Variants in MBTPS1 observed in about 807,000 individuals in gnomAD.
MBTPS1 encodes the protein membrane bound transcription factor peptidase, site 1.
Under a neutral mutation model 127.8 loss-of-function variants are expected in MBTPS1, and 94 were observed. The observed-to-expected ratio is 0.74, with a 90% confidence interval of 0.62 to 0.87. MBTPS1 has a LOEUF of 0.87. MBTPS1 is among the 40% of genes least tolerant of loss of function. MBTPS1 has a pLI of 0.00. For missense variants in MBTPS1, 1,636 were observed against 1,353.2 expected (o/e 1.21, Z -3.28); for synonymous variants, 632 against 509.4 (o/e 1.24, Z -3.24).
At position 84,102,017 on chromosome 16, in the gene MBTPS1, C is replaced by A; in HGVS notation, c.-234G>T. ...TCCATCTTGGAAATAAGGCTTCTCT[C>A]ACTCAGGCCGTGACGACTGAGTCCT... On this transcript the variant is annotated 5_prime_UTR_variant, in exon 2 of 23. An upstream open reading frame in the 5' UTR loses its in-frame stop. Coordinates refer to ENST00000343411, the MANE Select transcript of MBTPS1 (RefSeq NM_003791.4). 2.0e-6 allele frequency: 1 copy of A among 499,216 alleles called. No individual in the cohort carries two copies. Among genetic ancestry groups the A allele is most frequent in the Non-Finnish European group, 3.6e-6 (1 of 277,924 alleles). The allele number at this position is 499,216 out of a possible 1,614,324, so 30.9% of individuals were successfully genotyped here. A position where few individuals can be genotyped will look rare whatever the true frequency, so the allele number is the denominator to read the frequency against.
At chr16:84,115,394 T>C (rs2086460221) in intron 1 of MBTPS1, among the ~76,000 whole-genome samples, 1 of 152,232 alleles carries the variant, frequency 6.6e-6, no homozygotes, top group Non-Finnish European at 1.5e-5. Context: ...GACACGTGTC[T>C]GGGTCAGGTC....
At chr16:84,073,664 A>G (rs576788566) in intron 12 of MBTPS1, among the ~76,000 whole-genome samples, 1 of 150,356 alleles carries the variant, frequency 6.7e-6, no homozygotes, top group South Asian at 2.1e-4. Context: ...TTAAAAATTT[A>G]CAAAACAATA....
chr16:84,094,039 C>T (rs933151580), intron 4 of MBTPS1, among the ~76,000 whole-genome samples: 19 of 152,188 alleles, frequency 1.2e-4, no homozygotes, highest in Admixed American at 8.5e-4. Flanking sequence ...CATCATCTGC[C>T]GCCAAATAAG....
At chr16:84,114,206 C>T (rs1477349864) in intron 1 of MBTPS1, among the ~76,000 whole-genome samples, 3 of 152,102 alleles carry the variant, frequency 2.0e-5, no homozygotes, top group African/African-American at 7.2e-5. Context: ...CGTGATCTGC[C>T]CGCCTCGGCC....
intron 10 of MBTPS1, among the ~76,000 whole-genome samples, chr16:84,084,610 A>G (rs2085991801): frequency 6.6e-6 from 1 of 152,224 alleles, no homozygotes; most frequent in Admixed American, 6.5e-5. Context: ...TGGAGGATAT[A>G]TGGCAGGGAA....
At chr16:84,116,383 G>A (rs1179732012) in intron 1 of MBTPS1, among the ~76,000 whole-genome samples, 1 of 152,238 alleles carries the variant, frequency 6.6e-6, no homozygotes, top group African/African-American at 2.4e-5. Flanking sequence ...AAGAATCGAC[G>A]TCTTTTAAAC....
intron 1 of MBTPS1, among the ~76,000 whole-genome samples, chr16:84,115,064 G>A (rs1225795197): frequency 6.6e-6 from 1 of 151,986 alleles, no homozygotes; most frequent in African/African-American, 2.4e-5. Context: ...GAGTAGCTGG[G>A]ATTACAGGCG....
At position 84,070,067 on chromosome 16, in the gene MBTPS1, G is replaced by A. The variant is rs369148244; in HGVS notation, c.1783-29C>T. ...AAAAAAAAGAAAAGAAACTTGAAAC[G>A]CCCTCATTGTGCAGAAAGAAACTTT... is the stretch of plus-strand genomic sequence containing the variant. On this transcript the variant is annotated intron_variant, in intron 13 of 22. Transcript: ENST00000343411. The A allele has an allele frequency of 2.7e-5, 42 of 1,538,750 alleles. No individual in the cohort carries two copies. The African/African-American group carries it at 3.5e-4, about 13-fold the overall frequency.
chr16:84,087,667 G>A (rs963381476), intron 8 of MBTPS1, among the ~76,000 whole-genome samples: 1 of 151,952 alleles, frequency 6.6e-6, no homozygotes, highest in African/African-American at 2.4e-5. Context: ...CTCACATTAC[G>A]CCCTCTCACC....
chr16:84,067,615 G>C, intron 16 of MBTPS1, 52 bp downstream of exon 16: 1 of 1,396,014 alleles, frequency 7.2e-7, no homozygotes, highest in Non-Finnish European at 1.0e-6. Flanking sequence ...TTGCTGGGTA[G>C]AATTTGATTC....
At chr16:84,068,217 G>A (rs2085717389) in intron 15 of MBTPS1, 122 bp downstream of exon 15, 2 of 714,286 alleles carry the variant, frequency 2.8e-6, no homozygotes. Flanking sequence ...CCCAGCTGTG[G>A]GGCCCACGGC....
chr16:84,060,895 G>T, intron 19 of MBTPS1, 82 bp from the exon 20 acceptor site: 4 of 1,341,142 alleles, frequency 3.0e-6, no homozygotes, highest in Non-Finnish European at 3.1e-6. Flanking sequence ...GTGCAGTGGC[G>T]CAATCATAGC....
At chr16:84,107,061 A>C (rs2086333645) in intron 1 of MBTPS1, among the ~76,000 whole-genome samples, 1 of 152,200 alleles carries the variant, frequency 6.6e-6, no homozygotes, top group African/African-American at 2.4e-5. Flanking sequence ...CTCAGGGTCA[A>C]GGGCACGGCT....
At chr16:84,064,706 T>A (rs1396465173) in intron 18 of MBTPS1, among the ~76,000 whole-genome samples, 5 of 152,200 alleles carry the variant, frequency 3.3e-5, no homozygotes, top group African/African-American at 1.2e-4. Context: ...TTAGAAAGAA[T>A]CACTAACCCA....
chr16:84,099,604 T>G (rs1442979377), intron 2 of MBTPS1, among the ~76,000 whole-genome samples: 1 of 151,898 alleles, frequency 6.6e-6, no homozygotes, highest in Non-Finnish European at 1.5e-5. Context: ...GCCAACATAG[T>G]GAAACCCCAT....
Position 84,063,429 on chromosome 16 carries a change from C to T in MBTPS1, c.2448G>A (p.Lys816=), listed in dbSNP as rs2085641852. The change falls in exon 19 of 23, where the codon AAG becomes AAA. Residue 816 remains lysine (K), a synonymous_variant. Coordinates refer to ENST00000343411, the MANE Select transcript of MBTPS1 (RefSeq NM_003791.4). ...CGTTTTCAACAACTGCTGTTTCCTG[C>T]TTTAAAACCTCCAATCCTGAAACAA... ...TFKDQGLEVL[K]QETAVVENVP... is the part of the protein sequence containing the mutation. The T allele has an allele frequency of 1.2e-6, 2 of 1,614,086 alleles. No homozygotes were observed. The highest frequency in any genetic ancestry group is 1.7e-6 in the Non-Finnish European group (2 of 1,179,952).
At chr16:84,077,037 G>A (rs982328473) in intron 11 of MBTPS1, among the ~76,000 whole-genome samples, 1 of 152,188 alleles carries the variant, frequency 6.6e-6, no homozygotes, top group East Asian at 1.9e-4. Flanking sequence ...ACCAGCCTGG[G>A]CAACATGGCA....
At chr16:84,076,211 C>T (rs538124886) in intron 11 of MBTPS1, among the ~76,000 whole-genome samples, 3 of 152,036 alleles carry the variant, frequency 2.0e-5, no homozygotes, top group Non-Finnish European at 2.9e-5. Context: ...AAAAAACATA[C>T]AAAATTCAAT....
intron 21 of MBTPS1, among the ~76,000 whole-genome samples, chr16:84,058,389 G>C (rs1009587493): frequency 3.3e-5 from 5 of 152,190 alleles, no homozygotes; most frequent in Admixed American, 6.5e-5. Flanking sequence ...CAGGGGGCCT[G>C]TCAAGAGGGT....
Sources: allele counts gnomAD v4.1 joint callset (sites outside exome capture counted in the v4.1 genomes callset), GRCh38; gene constraint gnomAD v4.1.1; transcripts MANE v1.5; gene names NCBI Gene and HGNC (gene_info 2026-07-23, HGNC 2026-07-21).